Variants in COMMD6 observed in about 807,000 individuals in gnomAD.
The protein encoded by COMMD6 is COMM domain-containing protein 6.
Under a neutral mutation model 13.4 loss-of-function variants are expected in COMMD6, and 11 were observed. That is an observed-to-expected ratio of 0.82 (90% CI 0.52 to 1.36). The LOEUF is 1.36. Among genes scored for constraint, COMMD6 ranks in the 40% most tolerant of loss-of-function variants. The pLI, the probability that COMMD6 is intolerant of heterozygous loss-of-function variation, is 0.00. For missense variants in COMMD6, 124 were observed against 102.4 expected (o/e 1.21, Z -0.91); for synonymous variants, 43 against 36.5 (o/e 1.18, Z -0.64).
upstream of COMMD6, among the ~76,000 whole-genome samples, chr13:75,542,711 C>G (rs959676550): frequency 6.6e-6 from 1 of 152,176 alleles, no homozygotes; most frequent in Non-Finnish European, 1.5e-5. Context: ...TTCTTGGATT[C>G]CTCAGATGAG....
chr13:75,532,288 G>A (rs34580523), intron 2 of COMMD6, among the ~76,000 whole-genome samples: 3,019 of 152,288 alleles, frequency 0.02, 40 homozygotes, highest in Non-Finnish European at 0.034. Context: ...AGTCCAGAGA[G>A]AGCAATGTAA....
In COMMD6 at chr13:75,530,244, A is replaced by C. The variant is rs766709473; in HGVS notation, c.77T>G (p.Leu26Arg). Residue 26 changes from leucine to arginine, a missense_variant, in exon 3 of 4, where the codon CTG becomes CGG. By Grantham distance (102) the Leu-to-Arg change is moderately radical. Coordinates refer to ENST00000682242, the MANE Select transcript of COMMD6 (RefSeq NM_203495.4). ...AGTGTCTGAGCTCACAGCCATACCC[A>C]GTTTCCACTGAAAATCTACAAGCTT... ...TNQLVDFQWK[L>R]GMAVSSDTCR... 1.2e-6 allele frequency: 2 copies of C among 1,609,750 alleles called. No homozygotes were observed. The highest frequency in any genetic ancestry group is 1.7e-6 in the Non-Finnish European group (2 of 1,178,404).
chr13:75,540,136 A>AT (rs376812309), upstream of COMMD6, among the ~76,000 whole-genome samples: 174 of 151,420 alleles, frequency 1.1e-3, no homozygotes, highest in African/African-American at 4.0e-3. Flanking sequence ...ATGCCCAGCT[A>AT]TTTTTTTGTA....
At chr13:75,539,969 CTTTT>C (rs34796430), upstream of COMMD6, among the ~76,000 whole-genome samples, 7 of 113,778 alleles carry the variant, frequency 6.2e-5, no homozygotes, top group Admixed American at 1.9e-4. Context: ...GCAAGGAAAT[CTTTT>C]TTTTTTTTTT....
rs2030902298 is a variant in COMMD6 at position 75,546,145 on chromosome 13, A to G, written n.106+3178T>C. On this transcript the variant is annotated intron_variant and non_coding_transcript_variant, in intron 1 of 2. Coordinates refer to the COMMD6 transcript ENST00000460675. Reference sequence around the variant, plus strand: ...CAAGTATCCCCAAAAATTGAAAAATAAAATTTTAAAACATTGACATTTAAA... The same window carrying G: ...CAAGTATCCCCAAAAATTGAAAAATGAAATTTTAAAACATTGACATTTAAA... 2.6e-5 allele frequency among the ~76,000 whole-genome samples: 4 copies of G among 152,232 alleles called. No homozygotes were observed. The South Asian group carries it at 8.3e-4, about 32-fold the overall frequency.
At chr13:75,533,554 G>A (rs2030562184) in intron 2 of COMMD6, among the ~76,000 whole-genome samples, 3 of 133,348 alleles carry the variant, frequency 2.2e-5, no homozygotes, top group African/African-American at 5.5e-5. Context: ...GGGCAACAGA[G>A]CGAGACCCCA....
At chr13:75,531,512 C>A (rs957989463) in intron 2 of COMMD6, among the ~76,000 whole-genome samples, 1 of 59,890 alleles carries the variant, frequency 1.7e-5, no homozygotes, top group Non-Finnish European at 3.2e-5. Flanking sequence ...AGGTTAACAT[C>A]TTTTATAAGA....
chr13:75,536,669 G>A (rs1335430938), intron 2 of COMMD6, among the ~76,000 whole-genome samples: 3 of 152,170 alleles, frequency 2.0e-5, no homozygotes, highest in Non-Finnish European at 2.9e-5. Flanking sequence ...CTCCCCTACC[G>A]CCTCAGAAGG....
Position 75,526,517 on chromosome 13 carries a change from TTTAG to T in COMMD6, c.*68_*71del. 1.0e-6 allele frequency: 1 copy of T among 977,316 alleles called. No individual in the cohort carries two copies. Among genetic ancestry groups the T allele is most frequent in the Non-Finnish European group, 1.5e-6 (1 of 645,772 alleles). 60.5% of individuals were successfully genotyped at this position (977,316 alleles called of 1,614,324 possible). ...TCATTCAATAAATGTTCCATCCTTATTTAGTTTTGTTGCCGAAAGTGAAGTCCAT... is the reference window on the plus strand; with the variant it reads ...TCATTCAATAAATGTTCCATCCTTATTTTTGTTGCCGAAAGTGAAGTCCAT... On this transcript the variant is annotated 3_prime_UTR_variant, in exon 4 of 4. Coordinates refer to ENST00000682242, the MANE Select transcript of COMMD6 (RefSeq NM_203495.4).
upstream of COMMD6, among the ~76,000 whole-genome samples, chr13:75,543,109 A>G (rs528821381): frequency 8.5e-5 from 13 of 152,374 alleles, no homozygotes; most frequent in East Asian, 1.9e-3. Context: ...GTTCTCACTT[A>G]TAAGTGGGAG....
chr13:75,542,667 G>T (rs541499011), upstream of COMMD6, among the ~76,000 whole-genome samples: 8 of 152,298 alleles, frequency 5.3e-5, no homozygotes, highest in South Asian at 1.7e-3. Flanking sequence ...GGGAATTAAG[G>T]TTGCTAATTA....
In COMMD6 at chr13:75,526,013, C is replaced by T. The variant is rs972051753; in HGVS notation, c.*576G>A. 6.6e-6 allele frequency: 1 copy of T among 152,196 alleles called. No homozygotes were observed. Among genetic ancestry groups the T allele is most frequent in the Non-Finnish European group, 1.5e-5 (1 of 68,040 alleles). The allele number at this position is 152,196 out of a possible 1,614,324, so 9.4% of individuals were successfully genotyped here. A position where few individuals can be genotyped will look rare whatever the true frequency, so the allele number is the denominator to read the frequency against. On this transcript the variant is annotated 3_prime_UTR_variant, in exon 4 of 4. Coordinates refer to ENST00000682242, the MANE Select transcript of COMMD6 (RefSeq NM_203495.4). ...TCTGCGTATGTATTTGAACTTTCTACAACCATTAATAACAGAAATAATTGA... is the reference window on the plus strand; with the variant it reads ...TCTGCGTATGTATTTGAACTTTCTATAACCATTAATAACAGAAATAATTGA...
At chr13:75,542,726 G>A (rs145699472), upstream of COMMD6, among the ~76,000 whole-genome samples, 1 of 152,224 alleles carries the variant, frequency 6.6e-6, no homozygotes. Flanking sequence ...GATGAGTCCA[G>A]TGTATTCACA....
intron 2 of COMMD6, 86 bp downstream of exon 2, chr13:75,537,578 G>A (rs967656567): frequency 6.2e-7 from 1 of 1,600,734 alleles, no homozygotes; most frequent in Non-Finnish European, 8.5e-7. Flanking sequence ...GACTAGGGGA[G>A]ACCTGGGGAA....
At chr13:75,531,872 T>C (rs1336050532) in intron 2 of COMMD6, among the ~76,000 whole-genome samples, 1 of 152,260 alleles carries the variant, frequency 6.6e-6, no homozygotes, top group Non-Finnish European at 1.5e-5. Context: ...GAAAAACTTT[T>C]TGAATATGTA....
At position 75,526,601 on chromosome 13, in the gene COMMD6, A is replaced by G; in HGVS notation, c.246T>C (p.Ile82=). Reference sequence around the variant, plus strand: ...AAAGAATCCGTCTTCACACCGTTTCAATAACTGCAGCAATTTCCTTGAACT... The same window carrying G: ...AAAGAATCCGTCTTCACACCGTTTCGATAACTGCAGCAATTTCCTTGAACT... The part of the protein sequence containing the change: ...YRQFKEIAAV[I]ETV Residue 82 remains isoleucine, a synonymous_variant, in exon 4 of 4, where the codon ATT becomes ATC. Coordinates refer to ENST00000682242, the MANE Select transcript of COMMD6 (RefSeq NM_203495.4). The G allele has an allele frequency of 6.2e-7, 1 of 1,606,516 alleles. No homozygotes were observed. The highest frequency in any genetic ancestry group is 8.5e-7 in the Non-Finnish European group (1 of 1,175,116).
upstream of COMMD6, chr13:75,537,852 G>A (rs776086118): frequency 6.5e-7 from 1 of 1,541,150 alleles, no homozygotes; most frequent in Middle Eastern, 2.0e-4. Flanking sequence ...AACGCCCCCA[G>A]ACCAGCGCTT....
In COMMD6 at chr13:75,537,594, A is replaced by G; in HGVS notation, c.54+70T>C. The stretch of plus-strand genomic sequence containing the variant: ...ACTAGGGGAGACCTGGGGAAGGCTC[A>G]GGGTGGCACGGCCTCGCGGCCGTGG... On this transcript the variant is annotated intron_variant, in intron 2 of 3. Transcript: ENST00000682242. 6.8e-6 allele frequency: 11 copies of G among 1,611,642 alleles called. No homozygotes were observed. The South Asian group carries it at 9.9e-5, about 15-fold the overall frequency.
At chr13:75,527,416 CTGA>C (rs1431976083) in intron 3 of COMMD6, among the ~76,000 whole-genome samples, 1 of 152,078 alleles carries the variant, frequency 6.6e-6, no homozygotes, top group Non-Finnish European at 1.5e-5. Context: ...AAAATATGTA[CTGA>C]TGTTCAAAAT....
Sources: gnomAD v4.1 joint callset for allele counts (sites outside exome capture counted in the v4.1 genomes callset) on GRCh38, gnomAD v4.1.1 for gene constraint, MANE v1.5 for transcripts, NCBI Gene and HGNC (gene_info 2026-07-23, HGNC 2026-07-21) for gene names.